The following PTPRO variants were observed in gnomAD, a reference collection of about 807,000 sequenced individuals.
The protein encoded by PTPRO is protein tyrosine phosphatase receptor type O.
PTPRO carries 62 observed loss-of-function variants against 145.2 expected under a neutral mutation model. The observed-to-expected ratio is 0.43, with a 90% CI of 0.35 to 0.53. The LOEUF is 0.53. PTPRO is among the 20% of genes least tolerant of loss of function. The pLI, the probability that PTPRO is intolerant of heterozygous loss-of-function variation, is 0.01. For synonymous variants in PTPRO, 565 were observed against 514.7 expected, an observed-to-expected ratio of 1.10 and a Z score of -1.32; for missense variants, 1,345 against 1,482.7, an observed-to-expected ratio of 0.91 and a Z score of 1.53.
chr12:15,444,445 A>C (rs962562460), intron 1 of PTPRO, among the ~76,000 whole-genome samples: 23 of 152,090 alleles, frequency 1.5e-4, no homozygotes, highest in Non-Finnish European at 2.6e-4. Context: ...CACACAATAT[A>C]TCCAGATAAC....
chr12:15,399,797 T>A (rs1939438741), intron 1 of PTPRO, among the ~76,000 whole-genome samples: 1 of 151,904 alleles, frequency 6.6e-6, no homozygotes, highest in South Asian at 2.1e-4. Flanking sequence ...TCACCTGTAA[T>A]CCCAGCACTT....
intron 7 of PTPRO, among the ~76,000 whole-genome samples, chr12:15,511,803 A>G (rs894645161): frequency 2.0e-5 from 3 of 152,128 alleles, no homozygotes; most frequent in Non-Finnish European, 2.9e-5. Context: ...TGACCTCATG[A>G]TCTGCCCACC....
chr12:15,355,050 G>T (rs1937940453), intron 1 of PTPRO, among the ~76,000 whole-genome samples: 1 of 152,186 alleles, frequency 6.6e-6, no homozygotes, highest in East Asian at 1.9e-4. Context: ...AAAGGAATTT[G>T]GGAGAGGGAG....
Position 15,549,183 on chromosome 12 carries a change from T to C in PTPRO, c.2394T>C (p.His798=), listed in dbSNP as rs376221192. The C allele has an allele frequency of 1.1e-5, 18 of 1,610,858 alleles. No homozygotes were observed. The African/African-American group carries it at 2.5e-4, about 22-fold the overall frequency. Residue 798 remains histidine, a synonymous_variant, in exon 14 of 27, where the codon CAT becomes CAC. Transcript: ENST00000281171. ...ATTGTAGTGTCACCAGCTTTAGCCA[T>C]GACAGCCCCAGTGTCCCTACGTTCA... ...AYNCSVTSFS[H]DSPSVPTFIA... is the part of the protein sequence containing the mutation.
intron 13 of PTPRO, among the ~76,000 whole-genome samples, chr12:15,547,749 C>A (rs1407268174): frequency 6.6e-6 from 1 of 152,124 alleles, no homozygotes. Context: ...GGTTAGTTAG[C>A]TACTTACTAC....
chr12:15,512,860 G>A (rs11056535), intron 7 of PTPRO, among the ~76,000 whole-genome samples: 37,744 of 151,590 alleles, frequency 0.25, 5,114 homozygotes, highest in Admixed American at 0.36. Context: ...TGAGCATGAT[G>A]GCACACACAT....
rs1320010486 is a variant in PTPRO, at chr12:15,549,209, T to C, written c.2420T>C (p.Ile807Thr). Residue 807 changes from isoleucine to threonine, a missense_variant, in exon 14 of 27, where the codon ATA becomes ACA. By Grantham distance (89) the Ile-to-Thr change is moderately conservative. This residue lies in a region of PTPRO where 1,130 missense variants were observed against 1,214.7 expected (regional missense o/e 0.93). Coordinates refer to ENST00000281171, the MANE Select transcript of PTPRO (RefSeq NM_030667.3). ...GACAGCCCCAGTGTCCCTACGTTCATAGCCGTCTCAACAATGGGTAATTAT... is the reference window on the plus strand; with the variant it reads ...GACAGCCCCAGTGTCCCTACGTTCACAGCCGTCTCAACAATGGGTAATTAT... Reference protein sequence around the residue: ...SHDSPSVPTFIAVSTMVTEMN... With the variant: ...SHDSPSVPTFTAVSTMVTEMN... The C allele has an allele frequency of 6.2e-7, 1 of 1,608,120 alleles. No individual in the cohort carries two copies. The highest frequency in any genetic ancestry group is 8.5e-7 in the Non-Finnish European group (1 of 1,178,656).
At chr12:15,331,251 C>T (rs138352007) in intron 1 of PTPRO, among the ~76,000 whole-genome samples, 2 of 152,040 alleles carry the variant, frequency 1.3e-5, no homozygotes, top group African/African-American at 4.8e-5. Flanking sequence ...ACAGAGAGGC[C>T]CTATAAGCTA....
intron 1 of PTPRO, among the ~76,000 whole-genome samples, chr12:15,431,279 G>A (rs1212729008): frequency 2.0e-5 from 3 of 152,232 alleles, no homozygotes; most frequent in Non-Finnish European, 4.4e-5. Context: ...TGAGAGAGGA[G>A]AACAGTGAGG....
chr12:15,402,472 A>C (rs1939523971), intron 1 of PTPRO, among the ~76,000 whole-genome samples: 1 of 152,162 alleles, frequency 6.6e-6, no homozygotes, highest in African/African-American at 2.4e-5. Context: ...GCCTAGTGGA[A>C]TCCTCAACTA....
chr12:15,377,902 C>T (rs1460572921), intron 1 of PTPRO, among the ~76,000 whole-genome samples: 1 of 151,830 alleles, frequency 6.6e-6, no homozygotes, highest in Non-Finnish European at 1.5e-5. Context: ...ACCAATGGGT[C>T]AAAGGATAAA....
chr12:15,420,148 G>GAAAAAAAAAAAAAAAA (rs35302259), intron 1 of PTPRO, among the ~76,000 whole-genome samples: 1 of 81,712 alleles, frequency 1.2e-5, no homozygotes, highest in Non-Finnish European at 2.3e-5. Flanking sequence ...CTCCGACTCA[G>GAAAAAAAAAAAAAAAA]AAAAAAAAAA....
chr12:15,336,726 A>G (rs1433189444), intron 1 of PTPRO, among the ~76,000 whole-genome samples: 3 of 152,240 alleles, frequency 2.0e-5, no homozygotes, highest in South Asian at 4.1e-4. Flanking sequence ...GTGGCTGCAC[A>G]GATCACTATT....
At chr12:15,328,285 T>C (rs1000211132) in intron 1 of PTPRO, among the ~76,000 whole-genome samples, 2 of 152,186 alleles carry the variant, frequency 1.3e-5, no homozygotes, top group Admixed American at 1.3e-4. Flanking sequence ...AATTTATTTC[T>C]ATGAGTAAGA....
chr12:15,422,635 T>C (rs1940178285), intron 1 of PTPRO, among the ~76,000 whole-genome samples: 1 of 152,156 alleles, frequency 6.6e-6, no homozygotes, highest in Admixed American at 6.5e-5. Flanking sequence ...GGGACTTGTA[T>C]AAACCACATG....
intron 22 of PTPRO, 100 bp downstream of exon 22, chr12:15,580,931 G>A (rs749411184): frequency 2.8e-5 from 41 of 1,473,340 alleles, no homozygotes; most frequent in Non-Finnish European, 3.8e-5. Context: ...ATAAAACATA[G>A]AGACAAATCG....
At chr12:15,456,875 T>C (rs879905241) in intron 1 of PTPRO, among the ~76,000 whole-genome samples, 2 of 152,200 alleles carry the variant, frequency 1.3e-5, no homozygotes, top group Non-Finnish European at 2.9e-5. Context: ...GGGAAAGTTA[T>C]ACTAATATCT....
intron 1 of PTPRO, among the ~76,000 whole-genome samples, chr12:15,407,277 G>A (rs1399565581): frequency 6.6e-6 from 1 of 152,184 alleles, no homozygotes; most frequent in Non-Finnish European, 1.5e-5. Flanking sequence ...GGACCCTGGT[G>A]TGGCTGCTAT....
At chr12:15,377,067 A>G (rs1184324047) in intron 1 of PTPRO, among the ~76,000 whole-genome samples, 1 of 152,162 alleles carries the variant, frequency 6.6e-6, no homozygotes, top group African/African-American at 2.4e-5. Flanking sequence ...AGAGATGGGG[A>G]GAGAGTAGAG....
Sources: gnomAD v4.1 joint callset for allele counts (sites outside exome capture counted in the v4.1 genomes callset) on GRCh38, gnomAD v4.1.1 for gene constraint, gnomAD v4.1.1 regional missense constraint, MANE v1.5 for transcripts, NCBI Gene and HGNC (gene_info 2026-07-23, HGNC 2026-07-21) for gene names.